Variants in RAVER1 observed in about 807,000 individuals in gnomAD.
RAVER1 encodes ribonucleoprotein, PTB binding 1.
A neutral mutation model predicts 68.4 loss-of-function variants in RAVER1; 36 were observed. That is an observed-to-expected ratio of 0.53 (90% CI 0.40 to 0.70). The LOEUF (loss-of-function observed/expected upper bound fraction) is 0.70. Among genes scored for constraint, RAVER1 ranks in the 30% least tolerant of loss-of-function variants. The pLI is 0.00. For synonymous variants in RAVER1, 469 were observed against 472.7 expected (o/e 0.99, Z 0.10); for missense variants, 933 against 1,019.8 (o/e 0.91, Z 1.16).
intron 3 of RAVER1, among the ~76,000 whole-genome samples, chr19:10,325,016 T>A (rs1331717682): frequency 6.7e-6 from 1 of 149,962 alleles, no homozygotes; most frequent in African/African-American, 2.4e-5. Context: ...GGAGACCCCA[T>A]CTTCACATAA....
Position 10,323,354 on chromosome 19 carries a change from C to G in RAVER1, c.948+21G>C. Reference sequence around the variant, plus strand: ...TGGGGCTCCCATCCCCACCCCGCCACCTCTGCCCGCACAGGCTCACCGTGG... The same window carrying G: ...TGGGGCTCCCATCCCCACCCCGCCAGCTCTGCCCGCACAGGCTCACCGTGG... On this transcript the variant is annotated intron_variant, in intron 4 of 12. Transcript: ENST00000617231. This position sits in a 1 kb window ranked among gnomAD's most constrained non-coding sequence, Gnocchi z 6.2. 6.2e-7 allele frequency: 1 copy of G among 1,606,948 alleles called. No homozygotes were observed. Among genetic ancestry groups the G allele is most frequent in the Non-Finnish European group, 8.5e-7 (1 of 1,176,750 alleles).
At position 10,328,496 on chromosome 19, in the gene RAVER1, G is replaced by A. The variant is rs1409083164; in HGVS notation, c.756+146C>T. ...GAACCAAAGAGGCGGAGGTTGCAGT[G>A]AACTGAGATTGTATCACTGCACTCC... is the stretch of plus-strand genomic sequence containing the variant. On this transcript the variant is annotated intron_variant, in intron 3 of 12. Transcript: ENST00000617231. This position sits in a 1 kb window ranked among gnomAD's most constrained non-coding sequence, Gnocchi z 4.4. 56 of 622,196 alleles carry A rather than the reference G, an allele frequency of 9.0e-5. No individual in the cohort carries two copies. The highest frequency in any genetic ancestry group is 5.0e-5 in the Non-Finnish European group (18 of 358,150). The allele number at this position is 622,196 out of a possible 1,614,324, so 38.5% of individuals were successfully genotyped here. A position where few individuals can be genotyped will look rare whatever the true frequency, so the allele number is the denominator to read the frequency against.
Position 10,317,618 on chromosome 19 carries a change from G to C in RAVER1, c.2074-18C>G. On this transcript the variant is annotated intron_variant, in intron 12 of 12. Coordinates refer to ENST00000617231, the MANE Select transcript of RAVER1 (RefSeq NM_133452.3). The surrounding 1 kb of genome is among the most constrained non-coding windows in gnomAD (Gnocchi z 4.3). ...AGTGGGGTCTGGAGACAGAGGGCAG[G>C]GCGGGGCGGGTCAGGGGCCGCTGGG... 6.3e-7 allele frequency: 1 copy of C among 1,590,424 alleles called. No individual in the cohort carries two copies. The highest frequency in any genetic ancestry group is 8.6e-7 in the Non-Finnish European group (1 of 1,168,192).
rs1005414877 is a variant in RAVER1, at chr19:10,323,076, G to A, written c.1078+69C>T. 9.8e-6 allele frequency: 13 copies of A among 1,323,596 alleles called. No individual in the cohort carries two copies. The highest frequency in any genetic ancestry group is 1.5e-5 in the South Asian group (1 of 67,360). The allele number at this position is 1,323,596 out of a possible 1,614,324, so 82.0% of individuals were successfully genotyped here. ...CACTGCAGCCAAGATGAGCAGTTTC[G>A]GGAAGTGCCGGGGGCAGCGCTGCAG... On this transcript the variant is annotated intron_variant, in intron 5 of 12. Coordinates refer to ENST00000617231, the MANE Select transcript of RAVER1 (RefSeq NM_133452.3). This position sits in a 1 kb window ranked among gnomAD's most constrained non-coding sequence, Gnocchi z 6.2.
In RAVER1 at chr19:10,319,741, C is replaced by G. The variant is rs938937860; in HGVS notation, c.1771-501G>C. Among the ~76,000 whole-genome samples the G allele has an allele frequency of 4.6e-5, 7 of 150,842 alleles. No individual in the cohort carries two copies. The South Asian group carries it at 1.5e-3, about 31-fold the overall frequency. On this transcript the variant is annotated intron_variant, in intron 9 of 12. Transcript: ENST00000617231. ...GGGATTACAGGCATGTCTACCACAC[C>G]TGGCTAATTTTGTATTTTTAGTATA... is the stretch of plus-strand genomic sequence containing the variant.
intron 3 of RAVER1, among the ~76,000 whole-genome samples, chr19:10,326,623 T>G (rs1436265465): frequency 1.3e-5 from 2 of 152,056 alleles, no homozygotes; most frequent in East Asian, 3.9e-4. Context: ...TTTTTTTTTT[T>G]GTTGTATTTT....
rs1177860968 is a variant in RAVER1, at chr19:10,322,767, G to A, written c.1079-28C>T. On this transcript the variant is annotated intron_variant, in intron 5 of 12. Coordinates refer to ENST00000617231, the MANE Select transcript of RAVER1 (RefSeq NM_133452.3). This position sits in a 1 kb window ranked among gnomAD's most constrained non-coding sequence, Gnocchi z 4.3. ...GGAGGGAGACATAGGAGGATGTGTG[G>A]GGGTCCCTGTGTCCTCCCTGCCCCA... 1.5e-6 allele frequency: 2 copies of A among 1,347,606 alleles called. No individual in the cohort carries two copies. The highest frequency in any genetic ancestry group is 2.0e-6 in the Non-Finnish European group (2 of 1,019,416). The allele number at this position is 1,347,606 out of a possible 1,614,324, so 83.5% of individuals were successfully genotyped here.
rs961254199 is a variant in RAVER1, at chr19:10,317,292, C to G, written c.*162G>C. On this transcript the variant is annotated 3_prime_UTR_variant, in exon 13 of 13. Coordinates refer to ENST00000617231, the MANE Select transcript of RAVER1 (RefSeq NM_133452.3). The surrounding 1 kb of genome is among the most constrained non-coding windows in gnomAD (Gnocchi z 4.3). Reference sequence around the variant, plus strand: ...TGAGGCCTCCAGACTCCCCCACACCCCTTGGGCTCCTGGGGCTCCGGCTGA... The same window carrying G: ...TGAGGCCTCCAGACTCCCCCACACCGCTTGGGCTCCTGGGGCTCCGGCTGA... 27 of 753,422 alleles carry G rather than the reference C, an allele frequency of 3.6e-5. No homozygotes were observed. The highest frequency in any genetic ancestry group is 6.0e-5 in the Non-Finnish European group (27 of 450,270). 46.7% of individuals were successfully genotyped at this position (753,422 alleles called of 1,614,324 possible). A position where few individuals can be genotyped will look rare whatever the true frequency, so the allele number is the denominator to read the frequency against.
At chr19:10,325,775 T>TGACA (rs1212593274) in intron 3 of RAVER1, among the ~76,000 whole-genome samples, 2 of 151,158 alleles carry the variant, frequency 1.3e-5, no homozygotes, top group African/African-American at 4.9e-5. Context: ...CCAGCCTGGG[T>TGACA]GATTGAGAAC....
rs751570462 is a variant in RAVER1 at position 10,317,632 on chromosome 19, G to T, written c.2074-32C>A. The stretch of plus-strand genomic sequence containing the variant: ...ACAGAGGGCAGGGCGGGGCGGGTCA[G>T]GGGCCGCTGGGGGGCCGGGGCTTCC... On this transcript the variant is annotated intron_variant, in intron 12 of 12. Transcript: ENST00000617231. This position sits in a 1 kb window ranked among gnomAD's most constrained non-coding sequence, Gnocchi z 4.3. 3 of 1,551,392 alleles carry T rather than the reference G, an allele frequency of 1.9e-6. No homozygotes were observed. Among genetic ancestry groups the T allele is most frequent in the Non-Finnish European group, 2.6e-6 (3 of 1,142,274 alleles).
rs528946738 is a variant in RAVER1 at position 10,330,820 on chromosome 19, T to C, written c.220-294A>G. ...GGCTCACGCTTATAATCCCAGCATTTTGGGAGGCCGAGGCGGGTGAATCAC... is the reference window on the plus strand; with the variant it reads ...GGCTCACGCTTATAATCCCAGCATTCTGGGAGGCCGAGGCGGGTGAATCAC... On this transcript the variant is annotated intron_variant, in intron 1 of 12. Coordinates refer to ENST00000617231, the MANE Select transcript of RAVER1 (RefSeq NM_133452.3). 7.2e-5 allele frequency among the ~76,000 whole-genome samples: 11 copies of C among 152,276 alleles called. No homozygotes were observed. The South Asian group carries it at 1.9e-3, about 26-fold the overall frequency.
chr19:10,319,266 T>C, intron 9 of RAVER1, 26 bp from the exon 10 acceptor site: 1 of 1,610,622 alleles, frequency 6.2e-7, no homozygotes, highest in Non-Finnish European at 8.5e-7. Flanking sequence ...AGAAGCACAT[T>C]GGGTTGGAGT....
chr19:10,325,211 A>G (rs1425628193), intron 3 of RAVER1, among the ~76,000 whole-genome samples: 1 of 151,706 alleles, frequency 6.6e-6, no homozygotes, highest in African/African-American at 2.4e-5. Flanking sequence ...TTTAATAGAG[A>G]CAGGGTTTTT....
chr19:10,329,233 G>C lies in RAVER1; in HGVS notation c.287-122C>G. 1 of 654,356 alleles carries C rather than the reference G, an allele frequency of 1.5e-6. No individual in the cohort carries two copies. Among genetic ancestry groups the C allele is most frequent in the Non-Finnish European group, 2.6e-6 (1 of 388,460 alleles). The allele number at this position is 654,356 out of a possible 1,614,324, so 40.5% of individuals were successfully genotyped here. The stretch of plus-strand genomic sequence containing the variant: ...GGGCATCTCAGGTGCCTGCTGATCT[G>C]AGCAGTTGCCAGCCTTGGCGACTCA... On this transcript the variant is annotated intron_variant, in intron 2 of 12. Coordinates refer to ENST00000617231, the MANE Select transcript of RAVER1 (RefSeq NM_133452.3). The surrounding 1 kb of genome is among the most constrained non-coding windows in gnomAD (Gnocchi z 4.6).
intron 9 of RAVER1, 122 bp from the exon 10 acceptor site, chr19:10,319,362 G>A (rs1348889764): frequency 2.2e-5 from 21 of 939,510 alleles, no homozygotes; most frequent in Non-Finnish European, 1.6e-5. Context: ...CCAGGAAGAG[G>A]CAAATTTGGG....
intron 1 of RAVER1, among the ~76,000 whole-genome samples, chr19:10,331,058 A>G (rs987277783): frequency 2.0e-5 from 3 of 149,432 alleles, no homozygotes; most frequent in Non-Finnish European, 4.5e-5. Context: ...GTCAACAACA[A>G]TAACAACAAG....
In RAVER1 at chr19:10,316,945, A is replaced by T. The variant is rs1407694418; in HGVS notation, c.*509T>A. On this transcript the variant is annotated 3_prime_UTR_variant, in exon 13 of 13. Transcript: ENST00000617231. Reference sequence around the variant, plus strand: ...GCTGTTTCAAACCGCAAGGTGTGGAATGGTGGCCCGGACAGGCCGGGCCTT... The same window carrying T: ...GCTGTTTCAAACCGCAAGGTGTGGATTGGTGGCCCGGACAGGCCGGGCCTT... 2 of 165,566 alleles carry T rather than the reference A, an allele frequency of 1.2e-5. No homozygotes were observed. The highest frequency in any genetic ancestry group is 2.6e-5 in the Non-Finnish European group (2 of 77,158). 10.3% of individuals were successfully genotyped at this position (165,566 alleles called of 1,614,324 possible). A position where few individuals can be genotyped will look rare whatever the true frequency, so the allele number is the denominator to read the frequency against.
chr19:10,316,254 G>A lies in RAVER1; in HGVS notation c.*1200C>T. On this transcript the variant is annotated 3_prime_UTR_variant, in exon 13 of 13. Coordinates refer to ENST00000617231, the MANE Select transcript of RAVER1 (RefSeq NM_133452.3). The stretch of plus-strand genomic sequence containing the variant: ...ACTTACAAACTTTAATTCAGCAAAG[G>A]TCCGTGTGGGGAGACTGGGGTGGGG... 1 of 1,326,538 alleles carries A rather than the reference G, an allele frequency of 7.5e-7. No individual in the cohort carries two copies. Among genetic ancestry groups the A allele is most frequent in the Non-Finnish European group, 9.6e-7 (1 of 1,042,372 alleles). The allele number at this position is 1,326,538 out of a possible 1,614,324, so 82.2% of individuals were successfully genotyped here. A position where few individuals can be genotyped will look rare whatever the true frequency, so the allele number is the denominator to read the frequency against.
rs762051821 is a variant in RAVER1 at position 10,317,620 on chromosome 19, C to T, written c.2074-20G>A. 3.6e-5 allele frequency: 31 copies of T among 861,260 alleles called. 1 individual carries two copies. Among genetic ancestry groups the T allele is most frequent in the South Asian group, 7.9e-5 (6 of 75,704 alleles). 53.4% of individuals were successfully genotyped at this position (861,260 alleles called of 1,614,324 possible). Reference sequence around the variant, plus strand: ...TGGGGTCTGGAGACAGAGGGCAGGGCGGGGCGGGTCAGGGGCCGCTGGGGG... The same window carrying T: ...TGGGGTCTGGAGACAGAGGGCAGGGTGGGGCGGGTCAGGGGCCGCTGGGGG... On this transcript the variant is annotated intron_variant, in intron 12 of 12. Transcript: ENST00000617231. The surrounding 1 kb of genome is among the most constrained non-coding windows in gnomAD (Gnocchi z 4.3).
Sources: allele counts gnomAD v4.1 joint callset (sites outside exome capture counted in the v4.1 genomes callset), GRCh38; gene constraint gnomAD v4.1.1; non-coding constraint Gnocchi (gnomAD v3.1); transcripts MANE v1.5; gene names NCBI Gene and HGNC (gene_info 2026-07-23, HGNC 2026-07-21).